The following PARP12 variants were observed in gnomAD, a reference collection of about 807,000 sequenced individuals.
PARP12 encodes poly(ADP-ribose) polymerase family member 12, also known as protein mono-ADP-ribosyltransferase PARP12.
PARP12 carries 59 observed loss-of-function variants against 72.4 expected under a neutral mutation model. The observed-to-expected ratio is 0.81, with a 90% CI of 0.66 to 1.01. PARP12 has a LOEUF of 1.01. Among genes scored for constraint, PARP12 ranks in the 50% least tolerant of loss-of-function variants. The pLI is 0.00. For missense variants in PARP12, 851 were observed against 914.0 expected (o/e 0.93, Z 0.89); for synonymous variants, 403 against 371.4 (o/e 1.09, Z -0.98).
chr7:140,033,972 C>T lies in PARP12; in HGVS notation c.1421+263G>A, dbSNP rs80091503. ...GATGGGTTGGCTTCAAGTCTAGACTCGCCTTCAGAGTCTGTCTTCTCCAGA... is the reference window on the plus strand; with the variant it reads ...GATGGGTTGGCTTCAAGTCTAGACTTGCCTTCAGAGTCTGTCTTCTCCAGA... On this transcript the variant is annotated intron_variant, in intron 8 of 11. Transcript: ENST00000263549. 157 of 1,075,478 alleles carry T rather than the reference C, an allele frequency of 1.5e-4. No individual in the cohort carries two copies. The African/African-American group carries it at 2.2e-3, about 15-fold the overall frequency. 66.6% of individuals were successfully genotyped at this position (1,075,478 alleles called of 1,614,324 possible).
chr7:140,046,589 A>ACCAT (rs963067573), intron 5 of PARP12, among the ~76,000 whole-genome samples: 1 of 152,240 alleles, frequency 6.6e-6, no homozygotes, highest in Non-Finnish European at 1.5e-5. Flanking sequence ...TGGTCTTGGT[A>ACCAT]CCATCTTCTC....
intron 4 of PARP12, among the ~76,000 whole-genome samples, chr7:140,053,603 C>T (rs995563053): frequency 1.3e-5 from 2 of 152,094 alleles, no homozygotes; most frequent in Non-Finnish European, 2.9e-5. Flanking sequence ...AGTAATATTG[C>T]TTTCAGAATA....
At chr7:140,036,681 A>C (rs1227644444) in intron 7 of PARP12, among the ~76,000 whole-genome samples, 6 of 152,226 alleles carry the variant, frequency 3.9e-5, no homozygotes, top group African/African-American at 7.2e-5. Flanking sequence ...AGGAAGGCCC[A>C]CTTACTCCCT....
rs1815777342 is a variant in PARP12 at position 140,027,353 on chromosome 7, A to G, written c.1551T>C (p.Phe517=). Residue 517 remains phenylalanine (F), a synonymous_variant, in exon 10 of 12, where the codon TTT becomes TTC. Transcript: ENST00000263549. The stretch of plus-strand genomic sequence containing the variant: ...CAAAGTAGAAAGGCAGCGTGCGGTT[A>G]AAGAGGTTCCAGACCTTCTGATACT... ...SEEYQKVWNL[F]NRTLPFYFVQ... The G allele has an allele frequency of 6.2e-7, 1 of 1,613,976 alleles. No individual in the cohort carries two copies. Among genetic ancestry groups the G allele is most frequent in the African/African-American group, 1.3e-5 (1 of 74,924 alleles).
At chr7:140,040,649 T>C (rs1418452256) in intron 6 of PARP12, among the ~76,000 whole-genome samples, 1 of 152,234 alleles carries the variant, frequency 6.6e-6, no homozygotes, top group Non-Finnish European at 1.5e-5. Context: ...AAGGGCATTC[T>C]GAGTGCAGTT....
At chr7:140,027,569 T>G in intron 9 of PARP12, 163 bp from the exon 10 acceptor site, 1 of 741,880 alleles carries the variant, frequency 1.3e-6, no homozygotes, top group Non-Finnish European at 2.1e-6. Context: ...AGACAATCGG[T>G]CCTCATGAAA....
intron 7 of PARP12, chr7:140,034,608 G>T: frequency 4.6e-6 from 1 of 219,140 alleles, no homozygotes; most frequent in Admixed American, 5.5e-5. Context: ...TTCCAATCTT[G>T]TTTAAACCAT....
At position 140,062,765 on chromosome 7, in the gene PARP12, C is replaced by A; in HGVS notation, c.83G>T (p.Arg28Leu). 7.2e-7 allele frequency: 1 copy of A among 1,391,666 alleles called. No individual in the cohort carries two copies. The highest frequency in any genetic ancestry group is 1.4e-5 in the South Asian group (1 of 69,056). 86.2% of individuals were successfully genotyped at this position (1,391,666 alleles called of 1,614,324 possible). ...GGCGCTCAAGCCCATCCGCAAGCGG[C>A]GCCGCAGCTCGGGCAACTCCAGGGC... is the stretch of plus-strand genomic sequence containing the variant. ...GGALELPELR[R>L]RLRMGLSADA... Residue 28 changes from arginine to leucine, a missense_variant, in exon 1 of 12, where the codon CGC (arginine) becomes CTC (leucine). By Grantham distance (102) the Arg-to-Leu change is moderately radical. Transcript: ENST00000263549.
chr7:140,028,336 C>G (rs1227723837), intron 9 of PARP12, among the ~76,000 whole-genome samples: 1 of 152,192 alleles, frequency 6.6e-6, no homozygotes, highest in Non-Finnish European at 1.5e-5. Context: ...CCCATAAACT[C>G]ATTTCTGCCC....
intron 5 of PARP12, among the ~76,000 whole-genome samples, chr7:140,043,157 G>T (rs1190448450): frequency 1.3e-5 from 2 of 152,314 alleles, no homozygotes; most frequent in East Asian, 3.9e-4. Flanking sequence ...CCGCACCACT[G>T]CGCTCCAACT....
intron 1 of PARP12, among the ~76,000 whole-genome samples, chr7:140,059,795 G>C (rs375449734): frequency 1.3e-5 from 2 of 152,184 alleles, no homozygotes; most frequent in South Asian, 4.1e-4. Context: ...AAAGTGCAAC[G>C]TCAGCTGTTG....
chr7:140,036,495 G>A (rs1351089946), intron 7 of PARP12, among the ~76,000 whole-genome samples: 2 of 152,154 alleles, frequency 1.3e-5, no homozygotes, highest in Non-Finnish European at 2.9e-5. Flanking sequence ...TAAAGGGCAT[G>A]TCAAGGGGGT....
rs760177728 is a variant in PARP12 at position 140,024,424 on chromosome 7, T to A, written c.*136A>T. ...AGTAAAAATCATTATTAGCAAGAGA[T>A]TAAGAACATAACTTCATTGAGAGGT... is the stretch of plus-strand genomic sequence containing the variant. On this transcript the variant is annotated 3_prime_UTR_variant, in exon 12 of 12. Coordinates refer to ENST00000263549, the MANE Select transcript of PARP12 (RefSeq NM_022750.4). 1 of 996,912 alleles carries A rather than the reference T, an allele frequency of 1.0e-6. No homozygotes were observed. 61.8% of individuals were successfully genotyped at this position (996,912 alleles called of 1,614,324 possible).
intron 4 of PARP12, among the ~76,000 whole-genome samples, chr7:140,052,904 ACAT>A (rs1038906453): frequency 6.6e-6 from 1 of 152,218 alleles, no homozygotes; most frequent in Non-Finnish European, 1.5e-5. Flanking sequence ...AAACCACGAG[ACAT>A]CATCACTCAC....
At chr7:140,059,326 T>G (rs562394076) in intron 1 of PARP12, among the ~76,000 whole-genome samples, 3 of 151,758 alleles carry the variant, frequency 2.0e-5, no homozygotes, top group Admixed American at 2.0e-4. Context: ...ATCTTATCAT[T>G]ATAGGTTACA....
At chr7:140,034,024 C>T in intron 8 of PARP12, 1 of 1,201,900 alleles carries the variant, frequency 8.3e-7, no homozygotes, top group South Asian at 2.2e-5. Context: ...CAACAGGCAG[C>T]CTTCTAATTA....
At chr7:140,041,405 T>C (rs1008198821) in intron 6 of PARP12, 20 of 413,244 alleles carry the variant, frequency 4.8e-5, no homozygotes, top group African/African-American at 2.0e-5. Context: ...CACTACAAAT[T>C]TGTCATTCAG....
intron 5 of PARP12, among the ~76,000 whole-genome samples, chr7:140,043,894 C>A (rs79018965): frequency 2.6e-5 from 4 of 152,312 alleles, no homozygotes; most frequent in African/African-American, 9.6e-5. Context: ...ATGGGACACA[C>A]TGCATCTCAG....
chr7:140,041,105 T>C (rs1428339093), intron 6 of PARP12, among the ~76,000 whole-genome samples: 1 of 152,198 alleles, frequency 6.6e-6, no homozygotes. Context: ...GGGACTCCCT[T>C]TAATCTGACC....
Sources: gnomAD v4.1 joint callset for allele counts (sites outside exome capture counted in the v4.1 genomes callset) on GRCh38, gnomAD v4.1.1 for gene constraint, MANE v1.5 for transcripts, NCBI Gene and HGNC (gene_info 2026-07-23, HGNC 2026-07-21) for gene names.